Variants in PCDH7 observed in about 807,000 individuals in gnomAD.
PCDH7 encodes the protein protocadherin-7.
PCDH7 carries 17 observed loss-of-function variants against 58.9 expected under a neutral mutation model. That is an observed-to-expected ratio of 0.29 (90% CI 0.20 to 0.43). The LOEUF is 0.43. Ranked by LOEUF, PCDH7 falls within the 20% of genes least tolerant of loss-of-function variation. The probability of loss-of-function intolerance (pLI) is 1.00; values close to 1 mark genes in which losing one functional copy is unlikely to be tolerated. For synonymous variants in PCDH7, 664 were observed against 616.4 expected (o/e 1.08, Z -1.14); for missense variants, 1,274 against 1,441.0 (o/e 0.88, Z 1.88).
intron 3 of PCDH7, among the ~76,000 whole-genome samples, chr4:31,110,760 A>C (rs1238092952): frequency 5.3e-5 from 8 of 151,958 alleles, no homozygotes; most frequent in Non-Finnish European, 8.8e-5. Context: ...CTAAAAATAC[A>C]AAAAATTAGC....
chr4:30,958,466 A>T (rs1265072406), intron 3 of PCDH7, among the ~76,000 whole-genome samples: 2 of 151,986 alleles, frequency 1.3e-5, no homozygotes, highest in African/African-American at 4.8e-5. Context: ...TTAAATGATA[A>T]TTAATAACTT....
rs1175221605 is a variant in PCDH7, at chr4:30,773,439, A to G, written c.70+48843A>G. On this transcript the variant is annotated intron_variant, in intron 1 of 3. Transcript: ENST00000509759. Reference sequence around the variant, plus strand: ...CTGTTAGTAGCATCATGGACCTCTCATAATCATACATTGTGTTTTTCTTCT... The same window carrying G: ...CTGTTAGTAGCATCATGGACCTCTCGTAATCATACATTGTGTTTTTCTTCT... 1.2e-4 allele frequency among the ~76,000 whole-genome samples: 18 copies of G among 152,108 alleles called. 1 individual carries two copies. The highest frequency in any genetic ancestry group is 1.1e-3 in the Admixed American group (17 of 15,266).
exon 2 of PCDH7, chr4:30,731,319 G>A (rs1246572844): frequency 1.2e-5 from 2 of 172,934 alleles, no homozygotes; most frequent in Non-Finnish European, 2.3e-5. Context: ...ATGCTGTTTT[G>A]TGTGTTTGTG....
At chr4:30,906,861 A>G (rs539674002) in intron 1 of PCDH7, among the ~76,000 whole-genome samples, 280 of 152,058 alleles carry the variant, frequency 1.8e-3, no homozygotes, top group African/African-American at 6.4e-3. Flanking sequence ...TGTACCTACT[A>G]AAAATACAAA....
At chr4:30,853,411 C>G (rs937477372) in intron 1 of PCDH7, among the ~76,000 whole-genome samples, 1 of 152,138 alleles carries the variant, frequency 6.6e-6, no homozygotes, top group Non-Finnish European at 1.5e-5. Context: ...AGCCACAAGA[C>G]TCTTCCTACG....
intron 3 of PCDH7, among the ~76,000 whole-genome samples, chr4:31,038,495 TATAAAGCAGAAAATAA>T (rs774093578): frequency 1.1e-4 from 17 of 152,256 alleles, no homozygotes; most frequent in South Asian, 2.1e-4. Flanking sequence ...AATAAGAAAT[TATAAAGCAGAAAATAA>T]ATAGAGTTTA....
intron 1 of PCDH7, among the ~76,000 whole-genome samples, chr4:30,896,941 G>T (rs1382950390): frequency 1.0e-5 from 1 of 98,994 alleles, no homozygotes; most frequent in African/African-American, 4.0e-5. Context: ...GTCTTGCTCT[G>T]TCACCCAGGC....
intron 3 of PCDH7, among the ~76,000 whole-genome samples, chr4:31,036,098 A>T (rs1221336707): frequency 6.6e-6 from 1 of 152,204 alleles, no homozygotes; most frequent in Non-Finnish European, 1.5e-5. Context: ...ACAAAATGTG[A>T]AGGGTTTATT....
intron 1 of PCDH7, among the ~76,000 whole-genome samples, chr4:30,755,868 C>T (rs1719224032): frequency 6.6e-6 from 1 of 151,976 alleles, no homozygotes; most frequent in African/African-American, 2.4e-5. Context: ...ATCAGGAGGT[C>T]AAGAGATCAA....
At chr4:31,032,419 C>T (rs1266677914) in intron 3 of PCDH7, among the ~76,000 whole-genome samples, 1 of 151,908 alleles carries the variant, frequency 6.6e-6, no homozygotes. Flanking sequence ...ACCAAACTGG[C>T]CAACATGGCG....
intron 3 of PCDH7, among the ~76,000 whole-genome samples, chr4:30,994,751 T>A (rs547427882): frequency 6.6e-6 from 1 of 152,306 alleles, no homozygotes; most frequent in Admixed American, 6.5e-5. Flanking sequence ...CTATCCTTTA[T>A]TAAAAAAGAT....
chr4:30,950,550 T>A (rs1747252229), intron 3 of PCDH7, among the ~76,000 whole-genome samples: 1 of 152,214 alleles, frequency 6.6e-6, no homozygotes, highest in South Asian at 2.1e-4. Flanking sequence ...AATCGTTATA[T>A]AACACATCTT....
intron 3 of PCDH7, among the ~76,000 whole-genome samples, chr4:31,083,153 C>T (rs1711827913): frequency 6.6e-6 from 1 of 151,946 alleles, no homozygotes; most frequent in Non-Finnish European, 1.5e-5. Context: ...ACATTAAGTA[C>T]AATGTACACT....
In PCDH7 at chr4:31,020,785, C is replaced by T. The variant is rs115447754; in HGVS notation, c.*7+70570C>T. Among the ~76,000 whole-genome samples, 810 of 152,298 alleles carry T rather than the reference C, an allele frequency of 5.3e-3. 7 individuals carry two copies. Among genetic ancestry groups the T allele is most frequent in the African/African-American group, 0.017 (700 of 41,562 alleles). On this transcript the variant is annotated intron_variant, in intron 3 of 3. Transcript: ENST00000509759. ...ATCCAGGCCTAATTACTACTGTTCA[C>T]AGCACACTAGCCATTTCTTTGAGTA...
intron 3 of PCDH7, among the ~76,000 whole-genome samples, chr4:31,033,246 C>A (rs1416005142): frequency 6.6e-6 from 1 of 152,150 alleles, no homozygotes; most frequent in Non-Finnish European, 1.5e-5. Context: ...CAGCAACATG[C>A]TAACAGCATG....
intron 3 of PCDH7, among the ~76,000 whole-genome samples, chr4:31,021,420 A>G (rs1192114501): frequency 1.3e-5 from 2 of 152,262 alleles, no homozygotes; most frequent in Non-Finnish European, 2.9e-5. Flanking sequence ...ATCAAATGAA[A>G]GGACTATATT....
intron 1 of PCDH7, among the ~76,000 whole-genome samples, chr4:30,747,136 T>A (rs531084858): frequency 6.6e-6 from 1 of 152,226 alleles, no homozygotes; most frequent in Non-Finnish European, 1.5e-5. Context: ...TGAAACAACC[T>A]GTATGTTGTT....
intron 3 of PCDH7, among the ~76,000 whole-genome samples, chr4:31,054,470 A>G (rs180808796): frequency 7.8e-4 from 119 of 152,330 alleles, no homozygotes; most frequent in Non-Finnish European, 3.8e-4. Context: ...AACCTCTTAC[A>G]GTGAGCAAGA....
At chr4:30,975,276 G>C (rs931709916) in intron 3 of PCDH7, among the ~76,000 whole-genome samples, 1 of 151,164 alleles carries the variant, frequency 6.6e-6, no homozygotes, top group African/African-American at 2.4e-5. Context: ...CCTATAGTTT[G>C]TTTTATGAAA....
Sources: gnomAD v4.1 joint callset for allele counts (sites outside exome capture counted in the v4.1 genomes callset) on GRCh38, gnomAD v4.1.1 for gene constraint, MANE v1.5 for transcripts, NCBI Gene and HGNC (gene_info 2026-07-23, HGNC 2026-07-21) for gene names.